MAF: variants seen among roughly 807,000 people sequenced by gnomAD.
MAF encodes MAF bZIP transcription factor, also known as transcription factor Maf.
A neutral mutation model predicts 22.0 loss-of-function variants in MAF; 10 were observed. The observed-to-expected ratio is 0.45, with a 90% CI of 0.28 to 0.77. The LOEUF (loss-of-function observed/expected upper bound fraction) is 0.77, where lower values mean the gene tolerates loss of function less well. Among genes scored for constraint, MAF ranks in the 30% least tolerant of loss-of-function variants. The pLI is 0.12. For synonymous variants in MAF, 337 were observed against 255.8 expected, an observed-to-expected ratio of 1.32 and a Z score of -3.03; for missense variants, 544 against 548.4, an observed-to-expected ratio of 0.99 and a Z score of 0.08.
At chr16:79,567,062 G>A in the MAF span, among the ~76,000 whole-genome samples, 1 of 152,234 alleles carries the variant, frequency 6.6e-6, no homozygotes, top group African/African-American at 2.4e-5. Flanking sequence ...GCTCACGCCT[G>A]TAATGCCAGC....
the MAF span, among the ~76,000 whole-genome samples, chr16:79,530,062 G>T: frequency 1.3e-5 from 2 of 152,184 alleles, no homozygotes; most frequent in Non-Finnish European, 2.9e-5. Context: ...CAAAGAGACA[G>T]AACAAATATA....
the MAF span, among the ~76,000 whole-genome samples, chr16:79,432,542 G>A: frequency 3.3e-5 from 5 of 152,032 alleles, no homozygotes; most frequent in East Asian, 1.9e-4. Flanking sequence ...TCAAAATACT[G>A]TAATATTTTT....
chr16:79,220,018 T>G, the MAF span, among the ~76,000 whole-genome samples: 103,483 of 151,866 alleles, frequency 0.68, 36,161 homozygotes, highest in African/African-American at 0.73. Context: ...TTCTTTGGGA[T>G]GCCAAGGTGG....
chr16:79,437,046 T>G, the MAF span, among the ~76,000 whole-genome samples: 1 of 152,176 alleles, frequency 6.6e-6, no homozygotes, highest in Non-Finnish European at 1.5e-5. Flanking sequence ...CGTGCATGAA[T>G]GGTCATGTAT....
chr16:79,231,868 G>C, the MAF span, among the ~76,000 whole-genome samples: 4 of 152,136 alleles, frequency 2.6e-5, no homozygotes, highest in Admixed American at 1.3e-4. Context: ...TGTAGAATCT[G>C]TGGAAGCCCT....
chr16:79,228,954 G>C, the MAF span, among the ~76,000 whole-genome samples: 3 of 151,880 alleles, frequency 2.0e-5, no homozygotes, highest in South Asian at 2.1e-4. Context: ...GGTGGGGAAT[G>C]AGGGGCCAAG....
At chr16:79,579,737 C>A in the MAF span, among the ~76,000 whole-genome samples, 2 of 152,206 alleles carry the variant, frequency 1.3e-5, no homozygotes, top group African/African-American at 4.8e-5. Context: ...ACAATGAAAT[C>A]ACACACTAGG....
chr16:79,589,767 A>G (rs1297086301), downstream of MAF, among the ~76,000 whole-genome samples: 1 of 152,104 alleles, frequency 6.6e-6, no homozygotes, highest in Non-Finnish European at 1.5e-5. Context: ...TTTAAACCAA[A>G]TTTGAACACA....
chr16:79,203,496 T>G, the MAF span: 1 of 83,426 alleles, frequency 1.2e-5, no homozygotes, highest in Non-Finnish European at 2.5e-5. Context: ...AGACCTTGTG[T>G]TTTTTTTTTT....
At chr16:79,335,044 G>T in the MAF span, among the ~76,000 whole-genome samples, 1 of 151,856 alleles carries the variant, frequency 6.6e-6, no homozygotes, top group Non-Finnish European at 1.5e-5. Flanking sequence ...AATTTGCTGG[G>T]CATGGTGGCG....
the MAF span, among the ~76,000 whole-genome samples, chr16:79,304,412 T>G: frequency 0.047 from 7,183 of 152,270 alleles, 577 homozygotes; most frequent in East Asian, 0.34. Flanking sequence ...GGACTCTGGT[T>G]TTTAATCTTC....
the MAF span, among the ~76,000 whole-genome samples, chr16:79,548,013 G>C: frequency 3.3e-5 from 5 of 151,982 alleles, no homozygotes; most frequent in Non-Finnish European, 5.9e-5. Flanking sequence ...CAAAGAAACA[G>C]GTTCACACAC....
the MAF span, among the ~76,000 whole-genome samples, chr16:79,550,966 G>A: frequency 3.2e-4 from 48 of 152,112 alleles, no homozygotes; most frequent in Non-Finnish European, 6.3e-4. Context: ...CAGGACCGTG[G>A]TTCCTTTGGA....
At chr16:79,272,095 G>A in the MAF span, among the ~76,000 whole-genome samples, 6 of 152,126 alleles carry the variant, frequency 3.9e-5, no homozygotes, top group Admixed American at 1.3e-4. Flanking sequence ...GTCAATGGGG[G>A]TAAAAGAAAA....
the MAF span, among the ~76,000 whole-genome samples, chr16:79,244,155 C>G: frequency 2.0e-5 from 3 of 152,004 alleles, no homozygotes; most frequent in East Asian, 1.9e-4. Context: ...AAAACCGGCA[C>G]AAGACAAGGA....
At chr16:79,513,934 A>G in the MAF span, among the ~76,000 whole-genome samples, 3 of 152,224 alleles carry the variant, frequency 2.0e-5, no homozygotes, top group African/African-American at 7.2e-5. Context: ...AAGCACGACA[A>G]TAAATCCTCA....
chr16:79,252,411 A>G, the MAF span, among the ~76,000 whole-genome samples: 4 of 151,774 alleles, frequency 2.6e-5, no homozygotes, highest in African/African-American at 9.7e-5. Context: ...TGACAAGTAT[A>G]TAACAACAGG....
At chr16:79,472,869 G>A in the MAF span, among the ~76,000 whole-genome samples, 1 of 151,998 alleles carries the variant, frequency 6.6e-6, no homozygotes, top group African/African-American at 2.4e-5. Flanking sequence ...AGCAGTAAAA[G>A]AGCATGAGTT....
the MAF span, among the ~76,000 whole-genome samples, chr16:79,311,018 ATTT>A: frequency 3.7e-5 from 5 of 133,684 alleles, no homozygotes; most frequent in African/African-American, 1.4e-4. Context: ...CTGCTTTTTC[ATTT>A]TTTTTTTTTT....
Sources: gnomAD v4.1 joint callset for allele counts (sites outside exome capture counted in the v4.1 genomes callset) on GRCh38, gnomAD v4.1.1 for gene constraint, MANE v1.5 for transcripts, NCBI Gene and HGNC (gene_info 2026-07-23, HGNC 2026-07-21) for gene names.